Variants in BHMT observed in about 807,000 individuals in gnomAD.
BHMT encodes the protein betaine--homocysteine S-methyltransferase 1.
A neutral mutation model predicts 49.5 loss-of-function variants in BHMT; 38 were observed. The observed-to-expected ratio is 0.77, with a 90% CI of 0.59 to 1.01. The LOEUF (loss-of-function observed/expected upper bound fraction) is 1.01, where lower values mean the gene tolerates loss of function less well. Ranked by LOEUF, BHMT falls within the 50% of genes least tolerant of loss-of-function variation. BHMT has a pLI of 0.00. For synonymous variants in BHMT, 166 were observed against 176.3 expected (o/e 0.94, Z 0.46); for missense variants, 426 against 495.7 (o/e 0.86, Z 1.34).
At chr5:79,112,095 C>G (rs1189916184) in intron 1 of BHMT, among the ~76,000 whole-genome samples, 177 bp downstream of exon 1, 1 of 152,132 alleles carries the variant, frequency 6.6e-6, no homozygotes, top group Non-Finnish European at 1.5e-5. Flanking sequence ...AGCAGGACCC[C>G]AAGGCGCCTC....
intron 3 of BHMT, 43 bp downstream of exon 3, chr5:79,119,420 A>G (rs1756433458): frequency 8.7e-6 from 13 of 1,486,366 alleles, no homozygotes; most frequent in Non-Finnish European, 1.2e-5. Flanking sequence ...GATATTGTCG[A>G]CCTATTGCAT....
rs1756650886 is a variant in BHMT, at chr5:79,132,033, A to G, written c.*917A>G. 1 of 152,230 alleles carries G rather than the reference A, an allele frequency of 6.6e-6. No homozygotes were observed. Among genetic ancestry groups the G allele is most frequent in the South Asian group, 2.1e-4 (1 of 4,834 alleles). 9.4% of individuals were successfully genotyped at this position (152,230 alleles called of 1,614,324 possible). A position where few individuals can be genotyped will look rare whatever the true frequency, so the allele number is the denominator to read the frequency against. The stretch of plus-strand genomic sequence containing the variant: ...TAGTTGGTAGCTTTTAAAAAATATA[A>G]TAAGAAAAAAGTAGAGATTCTCCAA... On this transcript the variant is annotated 3_prime_UTR_variant, in exon 8 of 8. Transcript: ENST00000274353.
intron 1 of BHMT, among the ~76,000 whole-genome samples, chr5:79,112,791 C>G (rs1396151623): frequency 2.0e-5 from 3 of 152,150 alleles, no homozygotes; most frequent in Non-Finnish European, 4.4e-5. Flanking sequence ...GTAGGCCTTC[C>G]TCTAATTTGG....
At chr5:79,127,197 A>T (rs757139065) in intron 6 of BHMT, among the ~76,000 whole-genome samples, 1 of 152,126 alleles carries the variant, frequency 6.6e-6, no homozygotes, top group African/African-American at 2.4e-5. Context: ...GGCTATTATC[A>T]CCTGAAGGCC....
chr5:79,128,661 A>T (rs78476409), intron 7 of BHMT, among the ~76,000 whole-genome samples: 1,774 of 152,288 alleles, frequency 0.012, 14 homozygotes, highest in Non-Finnish European at 0.018. Flanking sequence ...TTAAGAGTTA[A>T]GGACCACTTA....
chr5:79,126,314 G>T (rs555960479), intron 6 of BHMT, 86 bp downstream of exon 6: 4 of 1,474,982 alleles, frequency 2.7e-6, no homozygotes, highest in Non-Finnish European at 2.8e-6. Context: ...GAGATCTTTT[G>T]TCATAGTGAA....
chr5:79,124,530 G>T (rs941977229), intron 5 of BHMT, among the ~76,000 whole-genome samples: 2 of 151,046 alleles, frequency 1.3e-5, no homozygotes, highest in East Asian at 1.9e-4. Context: ...GAGAGTAAAA[G>T]AATTATAATG....
intron 2 of BHMT, among the ~76,000 whole-genome samples, chr5:79,118,469 A>AAAAC (rs199901742): frequency 0.013 from 2,017 of 152,132 alleles, 30 homozygotes; most frequent in African/African-American, 0.036. Context: ...TCCATCTCAA[A>AAAAC]AAACAAACAA....
At chr5:79,127,727 C>T in intron 6 of BHMT, 28 bp from the exon 7 acceptor site, 1 of 1,610,314 alleles carries the variant, frequency 6.2e-7, no homozygotes, top group Non-Finnish European at 8.5e-7. Context: ...ATGTATAATG[C>T]CTAATGGCAT....
At chr5:79,115,384 G>A (rs1216694369) in intron 1 of BHMT, among the ~76,000 whole-genome samples, 1 of 120,786 alleles carries the variant, frequency 8.3e-6, no homozygotes, top group Admixed American at 9.1e-5. Flanking sequence ...TGTTGATAGA[G>A]TAAGAAGACT....
Position 79,127,991 on chromosome 5 carries a change from T to A in BHMT, c.1037+8T>A. The A allele has an allele frequency of 1.2e-6, 2 of 1,605,912 alleles. No homozygotes were observed. The highest frequency in any genetic ancestry group is 1.3e-5 in the African/African-American group (1 of 74,950). On this transcript the variant is annotated splice_region_variant and intron_variant, in intron 7 of 7. Transcript: ENST00000274353. ...ACCCTGGGTTAGAGCAAGGTAAGCA[T>A]CTTTTTACTAACCCAAACTAATTTA...
At chr5:79,117,052 C>A (rs1756396293) in intron 2 of BHMT, among the ~76,000 whole-genome samples, 1 of 152,086 alleles carries the variant, frequency 6.6e-6, no homozygotes, top group African/African-American at 2.4e-5. Context: ...TGATAATTGC[C>A]CCCAGGTGAC....
chr5:79,115,110 T>A (rs1252628654), intron 1 of BHMT, among the ~76,000 whole-genome samples: 2 of 152,112 alleles, frequency 1.3e-5, no homozygotes, highest in African/African-American at 2.4e-5. Context: ...GGAAACTGAA[T>A]TTTAACACCA....
In BHMT at chr5:79,131,279, T is replaced by C; in HGVS notation, c.*163T>C. Reference sequence around the variant, plus strand: ...AATTACAAATAGCACTTGATAATTTTAAAGTATGTTTTAGAAATTTTCTTA... The same window carrying C: ...AATTACAAATAGCACTTGATAATTTCAAAGTATGTTTTAGAAATTTTCTTA... On this transcript the variant is annotated 3_prime_UTR_variant, in exon 8 of 8. Coordinates refer to ENST00000274353, the MANE Select transcript of BHMT (RefSeq NM_001713.3). 1.4e-6 allele frequency: 1 copy of C among 728,336 alleles called. No homozygotes were observed. Among genetic ancestry groups the C allele is most frequent in the Non-Finnish European group, 2.1e-6 (1 of 485,266 alleles). 45.1% of individuals were successfully genotyped at this position (728,336 alleles called of 1,614,324 possible).
At chr5:79,118,484 A>G (rs1168907158) in intron 2 of BHMT, among the ~76,000 whole-genome samples, 3 of 152,114 alleles carry the variant, frequency 2.0e-5, no homozygotes, top group African/African-American at 7.2e-5. Context: ...AAACAAACAA[A>G]CAAACAAACA....
chr5:79,112,950 T>C (rs1474200570), intron 1 of BHMT, among the ~76,000 whole-genome samples: 4 of 151,930 alleles, frequency 2.6e-5, no homozygotes, highest in Non-Finnish European at 5.9e-5. Context: ...CCCCGGAAAA[T>C]GGTAGGGAGG....
Position 79,120,500 on chromosome 5 carries a change from G to A in BHMT, c.436G>A (p.Glu146Lys). 1 of 1,613,720 alleles carries A rather than the reference G, an allele frequency of 6.2e-7. No homozygotes were observed. The highest frequency in any genetic ancestry group is 1.1e-5 in the South Asian group (1 of 90,910). Residue 146 changes from glutamate to lysine, a missense_variant, in exon 4 of 8, where the codon GAG (glutamate) becomes AAG (lysine). By Grantham distance (56) the Glu-to-Lys change is moderately conservative. Around this residue, in one of 3 missense-constraint regions of BHMT, gnomAD observed 321 missense variants for 355.9 expected, o/e 0.90. Transcript: ENST00000274353. Reference sequence around the variant, plus strand: ...CAAAAAAGTATTTCTGCAACAGTTAGAGGTCTTTATGAAGAAGAACGTGGA... The same window carrying A: ...CAAAAAAGTATTTCTGCAACAGTTAAAGGTCTTTATGAAGAAGAACGTGGA... ...EVKKVFLQQL[E>K]VFMKKNVDFL...
chr5:79,122,703 AAT>A (rs906056185), intron 5 of BHMT, among the ~76,000 whole-genome samples: 4 of 150,772 alleles, frequency 2.7e-5, no homozygotes, highest in Non-Finnish European at 1.5e-5. Flanking sequence ...CAATCTGATG[AAT>A]ATATATATAT....
In BHMT at chr5:79,115,897, CAGG is replaced by C; in HGVS notation, c.165_166+1del. 6.2e-7 allele frequency: 1 copy of C among 1,612,632 alleles called. No homozygotes were observed. The highest frequency in any genetic ancestry group is 2.2e-5 in the East Asian group (1 of 44,818). ...GAAGCTGCTGTGGAGCACCCAGAAG[CAGG>C]TTGGTGCAGAGCTCTATTGTAAGTT... On this transcript the variant is annotated splice_donor_variant and coding_sequence_variant, in exon 2 of 8. Coordinates refer to ENST00000274353, the MANE Select transcript of BHMT (RefSeq NM_001713.3). LOFTEE classifies it high-confidence loss of function.
Sources: allele counts gnomAD v4.1 joint callset (sites outside exome capture counted in the v4.1 genomes callset), GRCh38; gene constraint gnomAD v4.1.1; regional missense constraint gnomAD v4.1.1; transcripts MANE v1.5; gene names NCBI Gene and HGNC (gene_info 2026-07-23, HGNC 2026-07-21).